PTPRD: variants seen among roughly 807,000 people sequenced by gnomAD.
The protein encoded by PTPRD is receptor-type tyrosine-protein phosphatase delta.
Under a neutral mutation model 214.5 loss-of-function variants are expected in PTPRD, and 34 were observed. That is an observed-to-expected ratio of 0.16 (90% CI 0.12 to 0.21). The LOEUF (loss-of-function observed/expected upper bound fraction) is 0.21, where lower values mean the gene tolerates loss of function less well. Ranked by LOEUF, PTPRD falls within the 10% of genes least tolerant of loss-of-function variation. The probability of loss-of-function intolerance (pLI) is 1.00; values close to 1 mark genes in which losing one functional copy is unlikely to be tolerated. For missense variants in PTPRD, 2,545 were observed against 2,398.7 expected, an observed-to-expected ratio of 1.06 and a Z score of -1.27; for synonymous variants, 1,128 against 845.7, an observed-to-expected ratio of 1.33 and a Z score of -5.79.
chr9:8,762,139 A>G (rs1337954479), intron 11 of PTPRD, among the ~76,000 whole-genome samples: 1 of 152,130 alleles, frequency 6.6e-6, no homozygotes. Flanking sequence ...CTGTCTTTCT[A>G]GGAAAACATT....
At chr9:9,595,546 GTGTT>G (rs1289474603) in intron 7 of PTPRD, among the ~76,000 whole-genome samples, 6 of 40,430 alleles carry the variant, frequency 1.5e-4, no homozygotes, top group East Asian at 7.8e-4. Flanking sequence ...ATATGTATGT[GTGTT>G]TGTGTGTGTG....
intron 35 of PTPRD, among the ~76,000 whole-genome samples, chr9:8,424,621 T>A (rs2094545788): frequency 6.6e-6 from 1 of 151,868 alleles, no homozygotes; most frequent in Non-Finnish European, 1.5e-5. Flanking sequence ...ATGTGCAGTT[T>A]AATACTAAAA....
intron 2 of PTPRD, among the ~76,000 whole-genome samples, chr9:10,447,338 T>C (rs2098807199): frequency 6.6e-6 from 1 of 151,984 alleles, no homozygotes; most frequent in Non-Finnish European, 1.5e-5. Flanking sequence ...ACGTCCTCTG[T>C]CATGTCCTAC....
intron 11 of PTPRD, among the ~76,000 whole-genome samples, chr9:8,929,735 ATATATATGTGTATATATATATG>A (rs1567060536): frequency 0.011 from 1,286 of 112,850 alleles, 18 homozygotes; most frequent in South Asian, 0.017. Flanking sequence ...ATATATGTGT[ATATATATGTGTATATATATATG>A]TATATATATG....
intron 2 of PTPRD, among the ~76,000 whole-genome samples, chr9:10,354,612 A>G (rs563132658): frequency 2.0e-5 from 3 of 152,292 alleles, no homozygotes; most frequent in African/African-American, 7.2e-5. Context: ...TTACTTAGCA[A>G]TTTTATCTTC....
intron 14 of PTPRD, among the ~76,000 whole-genome samples, chr9:8,595,177 T>C (rs944315329): frequency 1.3e-5 from 2 of 151,752 alleles, no homozygotes; most frequent in Non-Finnish European, 2.9e-5. Context: ...AACCTGTTTT[T>C]TTTTTTTTTT....
rs1010701514 is a variant in PTPRD, at chr9:10,209,206, A to C, written c.-545+131757T>G. ...TAGAATCAACTTTTCCAAGGAGTCC[A>C]TAATAGCAAGGATTTGGAAAGAAGT... On this transcript the variant is annotated intron_variant, in intron 3 of 45. Coordinates refer to ENST00000381196, the MANE Select transcript of PTPRD (RefSeq NM_002839.4). Among the ~76,000 whole-genome samples the C allele has an allele frequency of 4.6e-5, 7 of 152,348 alleles. No homozygotes were observed. In the East Asian group the frequency reaches 1.4e-3, roughly 29 times the overall value.
intron 10 of PTPRD, among the ~76,000 whole-genome samples, chr9:9,056,642 G>A (rs2099696750): frequency 6.6e-6 from 1 of 152,138 alleles, no homozygotes; most frequent in African/African-American, 2.4e-5. Flanking sequence ...CTTTCTTACT[G>A]GGCAGTAATG....
rs1424585903 is a variant in PTPRD at position 10,148,096 on chromosome 9, T to C, written c.-544-114306A>G. ...ATGCCCACCACCACCTTTCACTATT[T>C]TCAACTATGAAGAAGGGAATCTACA... is the stretch of plus-strand genomic sequence containing the variant. On this transcript the variant is annotated intron_variant, in intron 3 of 45. Coordinates refer to ENST00000381196, the MANE Select transcript of PTPRD (RefSeq NM_002839.4). 3.9e-5 allele frequency among the ~76,000 whole-genome samples: 6 copies of C among 152,246 alleles called. No homozygotes were observed. The East Asian group carries it at 1.2e-3, about 29-fold the overall frequency.
chr9:10,344,640 A>G (rs2097029818), intron 2 of PTPRD, among the ~76,000 whole-genome samples: 1 of 152,088 alleles, frequency 6.6e-6, no homozygotes, highest in East Asian at 1.9e-4. Context: ...CATTTTCACG[A>G]TATTGATTCT....
At position 8,315,273 on chromosome 9, in the gene PTPRD, A is replaced by C. The variant is rs1821059267; in HGVS notation, c.*2601T>G. 4.3e-6 allele frequency: 1 copy of C among 232,610 alleles called. No individual in the cohort carries two copies. The highest frequency in any genetic ancestry group is 8.5e-6 in the Non-Finnish European group (1 of 117,438). 14.4% of individuals were successfully genotyped at this position (232,610 alleles called of 1,614,324 possible). On this transcript the variant is annotated 3_prime_UTR_variant, in exon 46 of 46. Coordinates refer to ENST00000381196, the MANE Select transcript of PTPRD (RefSeq NM_002839.4). ...AGTCTCCGCCTCGTTCGTCTATGGT[A>C]TGCATCCCATTCATTTTCTTCTTCT...
intron 2 of PTPRD, among the ~76,000 whole-genome samples, chr9:10,402,962 C>A (rs2154497986): frequency 6.6e-6 from 1 of 151,456 alleles, no homozygotes. Flanking sequence ...ACCGCTTCCT[C>A]ACAGCACATC....
At position 10,597,104 on chromosome 9, in the gene PTPRD, T is replaced by C. The variant is rs574570656; in HGVS notation, c.-600+15294A>G. 4.6e-5 allele frequency among the ~76,000 whole-genome samples: 7 copies of C among 151,386 alleles called. No individual in the cohort carries two copies. In the East Asian group the frequency reaches 1.2e-3, roughly 25 times the overall value. ...ATATATTTCACATATATATTTCACA[T>C]ATATATATTTCACATATATGTATGA... On this transcript the variant is annotated intron_variant, in intron 2 of 45. Transcript: ENST00000381196.
intron 8 of PTPRD, among the ~76,000 whole-genome samples, chr9:9,440,058 A>G (rs1393318973): frequency 6.6e-6 from 1 of 152,202 alleles, no homozygotes; most frequent in Non-Finnish European, 1.5e-5. Flanking sequence ...TAGAAACCAT[A>G]AAAATTCCTT....
chr9:9,467,719 T>C (rs948391358), intron 8 of PTPRD, among the ~76,000 whole-genome samples: 1 of 152,058 alleles, frequency 6.6e-6, no homozygotes, highest in African/African-American at 2.4e-5. Context: ...ACTTCTATAG[T>C]TTATCTTTTA....
At chr9:9,040,282 A>AT (rs2099635518) in intron 10 of PTPRD, among the ~76,000 whole-genome samples, 1 of 152,146 alleles carries the variant, frequency 6.6e-6, no homozygotes, top group Admixed American at 6.6e-5. Flanking sequence ...CTTTTACACT[A>AT]TGGTATTTTC....
chr9:9,861,357 C>T (rs2062733084), intron 5 of PTPRD, among the ~76,000 whole-genome samples: 1 of 152,160 alleles, frequency 6.6e-6, no homozygotes, highest in African/African-American at 2.4e-5. Context: ...TTGGCGCCAT[C>T]TCGGCTCACT....
chr9:10,000,142 G>A (rs894450668), intron 4 of PTPRD, among the ~76,000 whole-genome samples: 4 of 152,148 alleles, frequency 2.6e-5, no homozygotes, highest in Non-Finnish European at 5.9e-5. Context: ...GCAAGTCAAG[G>A]GGGAAATGTA....
chr9:9,318,002 T>C (rs1964242553), intron 9 of PTPRD, among the ~76,000 whole-genome samples: 1 of 151,992 alleles, frequency 6.6e-6, no homozygotes, highest in South Asian at 2.1e-4. Context: ...AGAAACCGTG[T>C]CTCTACTAAA....
Sources: gnomAD v4.1 joint callset for allele counts (sites outside exome capture counted in the v4.1 genomes callset) on GRCh38, gnomAD v4.1.1 for gene constraint, MANE v1.5 for transcripts, NCBI Gene and HGNC (gene_info 2026-07-23, HGNC 2026-07-21) for gene names.